The following RNF38 variants were observed in gnomAD, a reference collection of about 807,000 sequenced individuals.
RNF38 encodes E3 ubiquitin-protein ligase RNF38.
In RNF38, 15 loss-of-function variants were observed where a neutral mutation model predicts 67.2. The ratio of observed to expected loss-of-function variants is 0.22; its 90% confidence interval spans 0.15 to 0.34. The LOEUF is 0.34. RNF38 is among the 10% of genes least tolerant of loss of function. The pLI is 1.00. For missense variants in RNF38, 524 were observed against 639.9 expected, an observed-to-expected ratio of 0.82 and a Z score of 1.95; for synonymous variants, 220 against 218.8, an observed-to-expected ratio of 1.01 and a Z score of -0.05.
intron 1 of RNF38, among the ~76,000 whole-genome samples, chr9:36,460,536 A>AAT (rs1564071437): frequency 6.6e-6 from 1 of 152,170 alleles, no homozygotes; most frequent in Admixed American, 6.6e-5. Flanking sequence ...TCCTAGTCCC[A>AAT]GAACACTTAA....
At chr9:36,457,219 G>A (rs1667473808) in intron 1 of RNF38, among the ~76,000 whole-genome samples, 1 of 152,114 alleles carries the variant, frequency 6.6e-6, no homozygotes, top group Non-Finnish European at 1.5e-5. Context: ...TACCAAACAC[G>A]AAGGCACTGA....
At chr9:36,409,984 G>C (rs1282510855) in intron 2 of RNF38, among the ~76,000 whole-genome samples, 1 of 152,074 alleles carries the variant, frequency 6.6e-6, no homozygotes, top group East Asian at 1.9e-4. Context: ...TGTTCCTGTT[G>C]CAATAGTGTC....
rs1267530707 is a variant in RNF38 at position 36,337,332 on chromosome 9, A to G, written c.*2420T>C. ...AAGACATTCCCAAAGATCAGTCACT[A>G]GAGTGCAACAACGAAATTCAAGATT... On this transcript the variant is annotated 3_prime_UTR_variant, in exon 12 of 12. Coordinates refer to ENST00000259605, the MANE Select transcript of RNF38 (RefSeq NM_022781.5). The G allele has an allele frequency of 6.5e-6, 1 of 152,868 alleles. No individual in the cohort carries two copies. The highest frequency in any genetic ancestry group is 2.4e-5 in the African/African-American group (1 of 41,474). The allele number at this position is 152,868 out of a possible 1,614,324, so 9.5% of individuals were successfully genotyped here.
chr9:36,341,472 A>T (rs1304463145), intron 11 of RNF38, among the ~76,000 whole-genome samples: 3 of 152,174 alleles, frequency 2.0e-5, no homozygotes, highest in African/African-American at 7.2e-5. Flanking sequence ...ATAGTCATGG[A>T]GCCACTGCAC....
At chr9:36,453,368 C>T (rs1001243230) in intron 1 of RNF38, among the ~76,000 whole-genome samples, 34 of 151,784 alleles carry the variant, frequency 2.2e-4, no homozygotes, top group African/African-American at 8.0e-4. Context: ...GTGCATGCCA[C>T]CATGTTCAGG....
chr9:36,478,068 T>G (rs1012671694), intron 1 of RNF38, among the ~76,000 whole-genome samples: 1 of 151,722 alleles, frequency 6.6e-6, no homozygotes, highest in Non-Finnish European at 1.5e-5. Context: ...ATTAACATAT[T>G]AAGAAGAAAA....
chr9:36,361,405 C>T (rs990492890), intron 4 of RNF38, among the ~76,000 whole-genome samples: 2 of 139,812 alleles, frequency 1.4e-5, no homozygotes, highest in Non-Finnish European at 3.1e-5. Flanking sequence ...CCTCGTGATC[C>T]GCCCGCCTCG....
chr9:36,487,615 C>T (rs1424652257), upstream of RNF38: 7 of 975,628 alleles, frequency 7.2e-6, no homozygotes, highest in African/African-American at 3.5e-5. Context: ...GCGGCAGGCG[C>T]TGGCTGGGCC....
upstream of RNF38, among the ~76,000 whole-genome samples, chr9:36,404,008 G>A (rs1404238202): frequency 1.3e-5 from 2 of 152,116 alleles, no homozygotes; most frequent in African/African-American, 4.8e-5. Flanking sequence ...TCATTATCCT[G>A]TTTAAGAAAT....
At position 36,474,546 on chromosome 9, in the gene RNF38, C is replaced by G. The variant is rs556878045; in HGVS notation, n.241+12762G>C. 2.2e-4 allele frequency among the ~76,000 whole-genome samples: 33 copies of G among 148,256 alleles called. 5 individuals carry two copies. The South Asian group carries it at 7.3e-3, about 33-fold the overall frequency. Reference sequence around the variant, plus strand: ...TAAAAATACAGATTCTGGAATTAGACTACCTGGGTTCATATCCCAGGTAAC... The same window carrying G: ...TAAAAATACAGATTCTGGAATTAGAGTACCTGGGTTCATATCCCAGGTAAC... On this transcript the variant is annotated intron_variant and non_coding_transcript_variant, in intron 1 of 3. Transcript: ENST00000488058.
At chr9:36,437,075 A>T (rs1725627708) in intron 1 of RNF38, among the ~76,000 whole-genome samples, 1 of 152,182 alleles carries the variant, frequency 6.6e-6, no homozygotes. Flanking sequence ...GTGGCTGCTT[A>T]ACAAGGCCAC....
chr9:36,389,658 T>G (rs1836920252), intron 2 of RNF38, among the ~76,000 whole-genome samples: 1 of 152,210 alleles, frequency 6.6e-6, no homozygotes, highest in Non-Finnish European at 1.5e-5. Flanking sequence ...TCCCTCCAAA[T>G]TTTTTATCTC....
At chr9:36,406,221 T>C (rs897244484) in intron 2 of RNF38, among the ~76,000 whole-genome samples, 1 of 152,206 alleles carries the variant, frequency 6.6e-6, no homozygotes, top group African/African-American at 2.4e-5. Flanking sequence ...TTTTAAGGCA[T>C]TGAAAGGCAT....
chr9:36,370,337 A>G (rs1835282551), intron 3 of RNF38, among the ~76,000 whole-genome samples: 1 of 152,192 alleles, frequency 6.6e-6, no homozygotes, highest in Admixed American at 6.5e-5. Context: ...TCATATACCT[A>G]ATAGGCACCT....
chr9:36,351,146 T>A lies in RNF38; in HGVS notation c.1232A>T (p.Asp411Val). ...ATTTTCTACTTCTCCATCTTCTACA[T>A]CTAATTCAAAGCTGAAAGTTGGGCC... ...AVGPTFSFEL[D>V]VEDGEVENYE... is the part of the protein sequence containing the mutation. The change falls in exon 9 of 12, where the codon GAT (aspartate) becomes GTT (valine). Residue 411 changes from aspartate to valine, a missense_variant. Coordinates refer to ENST00000259605, the MANE Select transcript of RNF38 (RefSeq NM_022781.5). 1 of 1,612,998 alleles carries A rather than the reference T, an allele frequency of 6.2e-7. No homozygotes were observed. Among genetic ancestry groups the A allele is most frequent in the Non-Finnish European group, 8.5e-7 (1 of 1,179,436 alleles).
At chr9:36,410,472 G>A (rs1022801814) in intron 2 of RNF38, among the ~76,000 whole-genome samples, 6 of 152,082 alleles carry the variant, frequency 3.9e-5, no homozygotes, top group South Asian at 4.2e-4. Context: ...GATTACAGGC[G>A]TCCACCACCA....
intron 1 of RNF38, among the ~76,000 whole-genome samples, chr9:36,391,110 G>A (rs1206379201): frequency 1.3e-5 from 2 of 152,292 alleles, no homozygotes; most frequent in South Asian, 2.1e-4. Flanking sequence ...GCAAACATAT[G>A]TTTGACTGCA....
At chr9:36,424,052 T>C (rs1488339965) in intron 2 of RNF38, among the ~76,000 whole-genome samples, 2 of 148,992 alleles carry the variant, frequency 1.3e-5, no homozygotes, top group Admixed American at 6.7e-5. Flanking sequence ...CCACCACCAA[T>C]AGTTTGGACA....
At chr9:36,486,912 G>A (rs527410159) in intron 1 of RNF38, among the ~76,000 whole-genome samples, 25 of 152,188 alleles carry the variant, frequency 1.6e-4, no homozygotes, top group African/African-American at 6.0e-4. Flanking sequence ...GGGGCCGGGG[G>A]ATCGACCTCT....
Sources: gnomAD v4.1 joint callset for allele counts (sites outside exome capture counted in the v4.1 genomes callset) on GRCh38, gnomAD v4.1.1 for gene constraint, MANE v1.5 for transcripts, NCBI Gene and HGNC (gene_info 2026-07-23, HGNC 2026-07-21) for gene names.